Variants in SPECC1 observed in about 807,000 individuals in gnomAD.
The protein encoded by SPECC1 is sperm antigen with calponin homology and coiled-coil domains 1.
A neutral mutation model predicts 104.1 loss-of-function variants in SPECC1; 62 were observed. The ratio of observed to expected loss-of-function variants is 0.60; its 90% CI spans 0.49 to 0.74. The LOEUF is 0.74. Among genes scored for constraint, SPECC1 ranks in the 30% least tolerant of loss-of-function variants. The pLI is 0.00. For missense variants in SPECC1, 1,306 were observed against 1,310.5 expected (o/e 1.00, Z 0.05); for synonymous variants, 513 against 501.6 (o/e 1.02, Z -0.30).
At chr17:20,100,409 T>G (rs1171679508) in intron 2 of SPECC1, among the ~76,000 whole-genome samples, 2 of 152,154 alleles carry the variant, frequency 1.3e-5, no homozygotes, top group Non-Finnish European at 2.9e-5. Context: ...TAATTTTCCC[T>G]CCCAATATTT....
At chr17:20,104,778 T>G (rs2048117041) in intron 2 of SPECC1, among the ~76,000 whole-genome samples, 2 of 146,960 alleles carry the variant, frequency 1.4e-5, no homozygotes, top group Non-Finnish European at 1.5e-5. Flanking sequence ...AAAAAAAAAT[T>G]CTCTTTTGGA....
intron 13 of SPECC1, among the ~76,000 whole-genome samples, chr17:20,297,890 A>G (rs188594569): frequency 2.3e-3 from 346 of 152,356 alleles, no homozygotes; most frequent in Non-Finnish European, 4.1e-3. Flanking sequence ...GAGACGTTCT[A>G]TGCCCTCATG....
At position 20,038,940 on chromosome 17, in the gene SPECC1, C is replaced by T. The variant is rs145994710; in HGVS notation, c.-22+29516C>T. The stretch of plus-strand genomic sequence containing the variant: ...TGAAATGTGTTAAGTTTTTAAAAAG[C>T]GTTAGATATAATCCACATACCATAT... On this transcript the variant is annotated intron_variant, in intron 1 of 14. Coordinates refer to ENST00000395527, the MANE Select transcript of SPECC1 (RefSeq NM_001243439.2). Among the ~76,000 whole-genome samples, 526 of 152,268 alleles carry T rather than the reference C, an allele frequency of 3.5e-3. 1 individual carries two copies. The highest frequency in any genetic ancestry group is 8.1e-3 in the African/African-American group (336 of 41,572).
In SPECC1 at chr17:20,260,278, A is replaced by C; in HGVS notation, c.2924A>C (p.Lys975Thr). The change falls in exon 12 of 15, where the codon AAG becomes ACG. Residue 975 changes from lysine to threonine, a missense_variant. Physicochemically the swap from Lys to Thr is moderately conservative, Grantham distance 78 (BLOSUM62 -1). Coordinates refer to ENST00000395527, the MANE Select transcript of SPECC1 (RefSeq NM_001243439.2). ...RNALLKWCQK[K>T]TQGYANIDIT... The stretch of plus-strand genomic sequence containing the variant: ...GCTCTACTGAAATGGTGCCAGAAGA[A>C]GACACAAGGTTATGCGGTAAGGGAC... 1.2e-6 allele frequency: 2 copies of C among 1,613,998 alleles called. No individual in the cohort carries two copies.
At chr17:20,108,605 C>T (rs949420399) in intron 2 of SPECC1, among the ~76,000 whole-genome samples, 1 of 152,194 alleles carries the variant, frequency 6.6e-6, no homozygotes, top group African/African-American at 2.4e-5. Flanking sequence ...GTGTCTGCTT[C>T]TTTCACTTAG....
chr17:20,239,305 C>T, intron 7 of SPECC1: 1 of 1,010,890 alleles, frequency 9.9e-7, no homozygotes, highest in African/African-American at 1.7e-5. Context: ...ATTAATCTTT[C>T]TTCTCCCTCA....
At chr17:20,261,613 T>A (rs1598102679) in intron 12 of SPECC1, among the ~76,000 whole-genome samples, 1 of 152,094 alleles carries the variant, frequency 6.6e-6, no homozygotes, top group Non-Finnish European at 1.5e-5. Flanking sequence ...TTTGCCTAAT[T>A]CGCATAAAGG....
chr17:20,314,165 T>C lies in SPECC1; in HGVS notation c.*100T>C. On this transcript the variant is annotated 3_prime_UTR_variant, in exon 15 of 15. Transcript: ENST00000395527. ...GACCCTGCTCTGCCCACCACCCAGC[T>C]GCCTAGACTTCAAAGACAGGCTCAA... The C allele has an allele frequency of 2.0e-6, 2 of 998,340 alleles. No individual in the cohort carries two copies. Among genetic ancestry groups the C allele is most frequent in the Non-Finnish European group, 3.1e-6 (2 of 651,656 alleles). 61.8% of individuals were successfully genotyped at this position (998,340 alleles called of 1,614,324 possible).
chr17:20,282,304 G>A (rs545787752), intron 12 of SPECC1, among the ~76,000 whole-genome samples: 6 of 152,284 alleles, frequency 3.9e-5, no homozygotes, highest in African/African-American at 7.2e-5. Context: ...CCGTCCTCTC[G>A]CCATAGGAAG....
In SPECC1 at chr17:20,156,098, C is replaced by T. The variant is rs1388474354; in HGVS notation, c.283+45536C>T. ...CTTTCTTTGACTGGAGCGGACCCGC[C>T]GGACGCAACCGCCTCGCCAGCCGGA... On this transcript the variant is annotated intron_variant, in intron 3 of 14. Coordinates refer to ENST00000395527, the MANE Select transcript of SPECC1 (RefSeq NM_001243439.2). 8 of 1,352,552 alleles carry T rather than the reference C, an allele frequency of 5.9e-6. No homozygotes were observed. The South Asian group carries it at 1.1e-4, about 18-fold the overall frequency. 83.8% of individuals were successfully genotyped at this position (1,352,552 alleles called of 1,614,324 possible).
intron 11 of SPECC1, among the ~76,000 whole-genome samples, chr17:20,259,030 A>G (rs1334844017): frequency 6.6e-6 from 1 of 152,256 alleles, no homozygotes; most frequent in African/African-American, 2.4e-5. Flanking sequence ...GAGTGAGTAG[A>G]TGGATTAATA....
chr17:20,278,598 G>A lies in SPECC1; in HGVS notation c.2940+18304G>A, dbSNP rs182005002. On this transcript the variant is annotated intron_variant, in intron 12 of 14. Transcript: ENST00000395527. ...TCACACCTGTAATGTCAACACTTTGGAAGGTTGATGCAGGAAGATCACTTG... is the reference window on the plus strand; with the variant it reads ...TCACACCTGTAATGTCAACACTTTGAAAGGTTGATGCAGGAAGATCACTTG... Among the ~76,000 whole-genome samples, 257 of 152,314 alleles carry A rather than the reference G, an allele frequency of 1.7e-3. 1 individual carries two copies. In the Middle Eastern group the frequency reaches 0.017, roughly 10 times the overall value.
At chr17:20,194,667 A>G (rs1475542157) in intron 3 of SPECC1, among the ~76,000 whole-genome samples, 1 of 151,442 alleles carries the variant, frequency 6.6e-6, no homozygotes, top group Admixed American at 6.6e-5. Flanking sequence ...CACCACGCCT[A>G]GCTACTTTTT....
At chr17:20,199,584 G>A (rs905364873) in intron 3 of SPECC1, among the ~76,000 whole-genome samples, 1 of 150,126 alleles carries the variant, frequency 6.7e-6, no homozygotes, top group African/African-American at 2.4e-5. Context: ...AAATATTTTT[G>A]TGTAGAGATA....
At chr17:20,298,980 G>GTGTGTGT (rs1567617368) in intron 13 of SPECC1, among the ~76,000 whole-genome samples, 4 of 28,308 alleles carry the variant, frequency 1.4e-4, no homozygotes, top group African/African-American at 3.9e-4. Context: ...TGTATGTAGA[G>GTGTGTGT]AGAGAGAGAG....
At chr17:20,276,598 C>A (rs796363481) in intron 12 of SPECC1, among the ~76,000 whole-genome samples, 23 of 152,252 alleles carry the variant, frequency 1.5e-4, no homozygotes, top group African/African-American at 5.3e-4. Flanking sequence ...TAGTAGACTT[C>A]TCTTGCTGGC....
intron 3 of SPECC1, among the ~76,000 whole-genome samples, chr17:20,156,443 G>A (rs1445457484): frequency 1.3e-5 from 2 of 152,188 alleles, no homozygotes; most frequent in Non-Finnish European, 2.9e-5. Context: ...TGCTCGTCCT[G>A]AACGCGCACC....
chr17:20,147,081 ATTTTTTT>A (rs71157859), intron 3 of SPECC1, among the ~76,000 whole-genome samples: 2 of 125,698 alleles, frequency 1.6e-5, no homozygotes, highest in African/African-American at 3.0e-5. Flanking sequence ...ATGGATCGTG[ATTTTTTT>A]TTTTTTTTTT....
chr17:20,080,296 ACT>A (rs1431740635), intron 1 of SPECC1, among the ~76,000 whole-genome samples: 1 of 152,032 alleles, frequency 6.6e-6, no homozygotes, highest in Non-Finnish European at 1.5e-5. Context: ...TGGCAGGGGG[ACT>A]CTCTTGTCAG....
Sources: gnomAD v4.1 joint callset for allele counts (sites outside exome capture counted in the v4.1 genomes callset) on GRCh38, gnomAD v4.1.1 for gene constraint, MANE v1.5 for transcripts, NCBI Gene and HGNC (gene_info 2026-07-23, HGNC 2026-07-21) for gene names.